ABI3BP: variants seen among roughly 807,000 people sequenced by gnomAD.
ABI3BP encodes target of Nesh-SH3.
A neutral mutation model predicts 268.6 loss-of-function variants in ABI3BP; 216 were observed. That is an observed-to-expected ratio of 0.80 (90% CI 0.72 to 0.90). The LOEUF (loss-of-function observed/expected upper bound fraction) is 0.90, where lower values mean the gene tolerates loss of function less well. Among genes scored for constraint, ABI3BP ranks in the 40% least tolerant of loss-of-function variants. The pLI is 0.00. For missense variants in ABI3BP, 2,090 were observed against 2,182.4 expected (o/e 0.96, Z 0.84); for synonymous variants, 730 against 730.0 (o/e 1.00, Z 0.00).
At chr3:100,849,577 C>T (rs760405991) in intron 17 of ABI3BP, among the ~76,000 whole-genome samples, 10 of 152,016 alleles carry the variant, frequency 6.6e-5, no homozygotes, top group South Asian at 2.1e-4. Flanking sequence ...CAATGAACTT[C>T]GCTATTTCAA....
chr3:100,795,710 AAGAAATGATGTTT>A (rs1458673365), intron 53 of ABI3BP, 81 bp downstream of exon 53: 1 of 946,172 alleles, frequency 1.1e-6, no homozygotes, highest in African/African-American at 1.8e-5. Flanking sequence ...ATGGATTGAG[AAGAAATGATGTTT>A]CAACAGGATC....
At chr3:100,940,057 T>C (rs1380816978) in intron 1 of ABI3BP, among the ~76,000 whole-genome samples, 1 of 152,152 alleles carries the variant, frequency 6.6e-6, no homozygotes, top group Non-Finnish European at 1.5e-5. Context: ...ATCTCTCTTA[T>C]TCCCTGAACA....
At chr3:100,869,329 G>GTTTTTTTTTTTTTTTT (rs1581238556) in intron 9 of ABI3BP, among the ~76,000 whole-genome samples, 1 of 50,158 alleles carries the variant, frequency 2.0e-5, no homozygotes. Context: ...TCTTCTTTTT[G>GTTTTTTTTTTTTTTTT]GTTTTTTTTT....
intron 1 of ABI3BP, among the ~76,000 whole-genome samples, chr3:100,975,813 C>A (rs2085906676): frequency 6.6e-6 from 1 of 151,894 alleles, no homozygotes; most frequent in African/African-American, 2.4e-5. Context: ...ATAAAAAAAC[C>A]CCACCCTGAA....
intron 4 of ABI3BP, among the ~76,000 whole-genome samples, chr3:100,894,845 A>G (rs1476542166): frequency 6.8e-6 from 1 of 147,628 alleles, no homozygotes; most frequent in African/African-American, 2.5e-5. Flanking sequence ...AGGCTGAGGC[A>G]GGAGAATGGC....
rs36046418 is a variant in ABI3BP at position 100,845,845 on chromosome 3, CTT to C, written c.1723+525_1723+526del. Among the ~76,000 whole-genome samples, 777 of 140,846 alleles carry C rather than the reference CTT, an allele frequency of 5.5e-3. 5 individuals carry two copies. The highest frequency in any genetic ancestry group is 0.016 in the African/African-American group (606 of 38,254). 92.4% of individuals were successfully genotyped at this position (140,846 alleles called of 152,430 possible). ...AATGATCCCTTCCTGCAAAAGCAGC[CTT>C]TTTTTTTTTTTTTAAAGGAAAACAC... On this transcript the variant is annotated intron_variant, in intron 20 of 67. Transcript: ENST00000471714.
At position 100,750,244 on chromosome 3, in the gene ABI3BP, C is replaced by A; in HGVS notation, c.*251G>T. On this transcript the variant is annotated 3_prime_UTR_variant, in exon 68 of 68. Coordinates refer to ENST00000471714, the MANE Select transcript of ABI3BP (RefSeq NM_001375547.2). ...ATATACAAATGATCTCTTAAAATAC[C>A]ATGAATAGGGAGCCAGCTTCCCCAA... The A allele has an allele frequency of 2.9e-6, 1 of 342,340 alleles. No individual in the cohort carries two copies. 21.2% of individuals were successfully genotyped at this position (342,340 alleles called of 1,614,324 possible).
intron 1 of ABI3BP, among the ~76,000 whole-genome samples, chr3:100,984,837 G>A (rs1346638703): frequency 6.6e-6 from 1 of 152,062 alleles, no homozygotes; most frequent in Non-Finnish European, 1.5e-5. Context: ...CCCAACACAA[G>A]AGAAGACTGT....
chr3:100,819,033 T>C (rs1346083759), intron 40 of ABI3BP, among the ~76,000 whole-genome samples: 1 of 152,204 alleles, frequency 6.6e-6, no homozygotes, highest in Non-Finnish European at 1.5e-5. Context: ...TGAGATTTCA[T>C]TTGCAGTAAA....
At chr3:100,990,745 T>C (rs2092780101) in intron 1 of ABI3BP, among the ~76,000 whole-genome samples, 2 of 152,186 alleles carry the variant, frequency 1.3e-5, no homozygotes, top group South Asian at 2.1e-4. Flanking sequence ...TTCCTAAGGC[T>C]GGGGTCAGAG....
chr3:100,856,570 A>G (rs2153091210), intron 14 of ABI3BP, among the ~76,000 whole-genome samples: 1 of 152,326 alleles, frequency 6.6e-6, no homozygotes, highest in South Asian at 2.1e-4. Flanking sequence ...TTTTCTGGAC[A>G]CTTGGGAGAA....
chr3:100,904,036 A>G (rs1340835202), intron 2 of ABI3BP, among the ~76,000 whole-genome samples: 1 of 152,224 alleles, frequency 6.6e-6, no homozygotes, highest in Admixed American at 6.5e-5. Flanking sequence ...GTAGGAATAC[A>G]ATAACCATTT....
At chr3:100,950,176 C>A (rs532550652) in intron 1 of ABI3BP, among the ~76,000 whole-genome samples, 39 of 152,252 alleles carry the variant, frequency 2.6e-4, no homozygotes, top group Admixed American at 1.1e-3. Flanking sequence ...CTGTTTATAT[C>A]CAGACTATAA....
At chr3:100,847,801 A>G in intron 18 of ABI3BP, 128 bp from the exon 19 acceptor site, 1 of 744,980 alleles carries the variant, frequency 1.3e-6, no homozygotes, top group East Asian at 2.5e-5. Context: ...AATGAGTAAA[A>G]GTTTTGAGGA....
At chr3:100,829,745 T>TG in intron 32 of ABI3BP, 81 bp from the exon 33 acceptor site, 1 of 1,121,020 alleles carries the variant, frequency 8.9e-7, no homozygotes, top group Non-Finnish European at 1.3e-6. Flanking sequence ...TATAATTTCT[T>TG]GACTTCCAAG....
intron 14 of ABI3BP, among the ~76,000 whole-genome samples, chr3:100,858,250 C>T (rs1467252635): frequency 6.6e-6 from 1 of 152,168 alleles, no homozygotes; most frequent in Non-Finnish European, 1.5e-5. Context: ...GAATCAAAAT[C>T]AATCAATTTC....
intron 1 of ABI3BP, among the ~76,000 whole-genome samples, chr3:100,941,679 A>G (rs531585846): frequency 7.2e-5 from 11 of 152,226 alleles, no homozygotes; most frequent in South Asian, 2.1e-4. Context: ...TGAACTGCCA[A>G]TGTGGACATT....
At chr3:100,917,501 C>T (rs1476835516) in intron 2 of ABI3BP, among the ~76,000 whole-genome samples, 1 of 152,002 alleles carries the variant, frequency 6.6e-6, no homozygotes, top group Non-Finnish European at 1.5e-5. Flanking sequence ...CCAGATAACC[C>T]TTTAATATCC....
In ABI3BP at chr3:100,787,811, A is replaced by T. The variant is rs1213705794; in HGVS notation, c.4088-9T>A. The T allele has an allele frequency of 1.2e-5, 18 of 1,509,440 alleles. 1 individual carries two copies. The highest frequency in any genetic ancestry group is 1.3e-5 in the Non-Finnish European group (15 of 1,135,274). The allele number at this position is 1,509,440 out of a possible 1,614,324, so 93.5% of individuals were successfully genotyped here. ...AGTTGTCCTATTCAGAACTAAAATAAAGTGGGATATAAATAGTTCATTTTC... is the reference window on the plus strand; with the variant it reads ...AGTTGTCCTATTCAGAACTAAAATATAGTGGGATATAAATAGTTCATTTTC... On this transcript the variant is annotated splice_polypyrimidine_tract_variant and intron_variant, in intron 56 of 67. Coordinates refer to ENST00000471714, the MANE Select transcript of ABI3BP (RefSeq NM_001375547.2).
Sources: allele counts gnomAD v4.1 joint callset (sites outside exome capture counted in the v4.1 genomes callset), GRCh38; gene constraint gnomAD v4.1.1; transcripts MANE v1.5; gene names NCBI Gene and HGNC (gene_info 2026-07-23, HGNC 2026-07-21).